Variants in GNA14 observed in about 807,000 individuals in gnomAD.
GNA14 encodes guanine nucleotide-binding protein subunit alpha-14.
Under a neutral mutation model 42.0 loss-of-function variants are expected in GNA14, and 50 were observed. That is an observed-to-expected ratio of 1.19 (90% CI 0.95 to 1.51). The LOEUF (loss-of-function observed/expected upper bound fraction) is 1.51, where lower values mean the gene tolerates loss of function less well. GNA14 is among the 40% of genes most tolerant of loss of function. The pLI is 0.00. For missense variants in GNA14, 473 were observed against 446.2 expected, an observed-to-expected ratio of 1.06 and a Z score of -0.54; for synonymous variants, 173 against 163.1, an observed-to-expected ratio of 1.06 and a Z score of -0.46.
intron 2 of GNA14, among the ~76,000 whole-genome samples, chr9:77,524,857 C>T (rs902910546): frequency 6.6e-6 from 1 of 152,136 alleles, no homozygotes; most frequent in African/African-American, 2.4e-5. Context: ...TTGTGTTTCT[C>T]GAGGGTCATT....
chr9:77,578,224 C>T (rs570858522), intron 1 of GNA14, among the ~76,000 whole-genome samples: 16 of 152,268 alleles, frequency 1.1e-4, no homozygotes, highest in South Asian at 8.3e-4. Context: ...TGTAGTGAGC[C>T]GAGATCGTGC....
intron 1 of GNA14, among the ~76,000 whole-genome samples, chr9:77,568,689 G>A (rs192478510): frequency 6.6e-6 from 1 of 152,244 alleles, no homozygotes; most frequent in African/African-American, 2.4e-5. Flanking sequence ...AGGCTGACTG[G>A]GCTTTCCTGG....
chr9:77,435,545 A>T (rs575180419), intron 2 of GNA14, among the ~76,000 whole-genome samples: 11 of 151,974 alleles, frequency 7.2e-5, no homozygotes, highest in Non-Finnish European at 1.3e-4. Flanking sequence ...ACCACTGATT[A>T]TTATATTACC....
At chr9:77,511,590 C>T (rs1837171289) in intron 2 of GNA14, among the ~76,000 whole-genome samples, 1 of 152,188 alleles carries the variant, frequency 6.6e-6, no homozygotes. Flanking sequence ...GAACAGCTTG[C>T]AGGCGAAAGG....
intron 2 of GNA14, among the ~76,000 whole-genome samples, chr9:77,515,971 A>ACAAAAAAAAAAAC (rs1837250258): frequency 6.8e-6 from 1 of 147,206 alleles, no homozygotes; most frequent in Non-Finnish European, 1.5e-5. Flanking sequence ...AAAAAAAAAA[A>ACAAAAAAAAAAAC]AAAAAAAAAA....
intron 2 of GNA14, among the ~76,000 whole-genome samples, chr9:77,488,953 A>C (rs10118963): frequency 0.51 from 77,278 of 151,824 alleles, 20,169 homozygotes; most frequent in East Asian, 0.81. Flanking sequence ...ACTGACCCTA[A>C]TGAGATGGCA....
intron 1 of GNA14, among the ~76,000 whole-genome samples, chr9:77,552,529 TTATGA>T (rs1013379001): frequency 5.3e-5 from 8 of 152,180 alleles, no homozygotes; most frequent in African/African-American, 1.7e-4. Flanking sequence ...CTCATTTTTG[TTATGA>T]TATATTATTT....
At chr9:77,577,199 C>A (rs993006791) in intron 1 of GNA14, among the ~76,000 whole-genome samples, 2 of 152,148 alleles carry the variant, frequency 1.3e-5, no homozygotes, top group South Asian at 2.1e-4. Context: ...CTCAAGAATT[C>A]ATTTTACTTA....
intron 1 of GNA14, among the ~76,000 whole-genome samples, chr9:77,622,230 G>A (rs1823937267): frequency 6.6e-6 from 1 of 152,224 alleles, no homozygotes; most frequent in African/African-American, 2.4e-5. Flanking sequence ...TGTGCACACA[G>A]TCTTTGAAAT....
At chr9:77,483,782 T>C (rs894758443) in intron 2 of GNA14, among the ~76,000 whole-genome samples, 11 of 152,134 alleles carry the variant, frequency 7.2e-5, no homozygotes, top group South Asian at 2.1e-4. Flanking sequence ...CCCAGCATAA[T>C]GAATGGGAAA....
chr9:77,423,987 G>C lies in GNA14; in HGVS notation c.1060C>G (p.Leu354Val), dbSNP rs1371117942. ...ILQLNLREFN[L>V]V ...GGAGTGGGCAGCAGCTTTTAGACAAGGTTGAATTCCCTTAGGTTTAGCTGT... is the reference window on the plus strand; with the variant it reads ...GGAGTGGGCAGCAGCTTTTAGACAACGTTGAATTCCCTTAGGTTTAGCTGT... Residue 354 changes from leucine (L) to valine (V), a missense_variant, in exon 7 of 7, where the codon CTT becomes GTT. Coordinates refer to ENST00000341700, the MANE Select transcript of GNA14 (RefSeq NM_004297.4). 1.9e-6 allele frequency: 3 copies of C among 1,585,898 alleles called. No individual in the cohort carries two copies.
intron 2 of GNA14, among the ~76,000 whole-genome samples, chr9:77,500,829 G>A (rs1392761595): frequency 6.6e-6 from 1 of 152,178 alleles, no homozygotes; most frequent in Non-Finnish European, 1.5e-5. Flanking sequence ...AGATACTCAA[G>A]GTGTTCCCAG....
chr9:77,545,056 T>C (rs538990160), intron 1 of GNA14, among the ~76,000 whole-genome samples: 2 of 152,158 alleles, frequency 1.3e-5, no homozygotes, highest in African/African-American at 4.8e-5. Flanking sequence ...AGACAAAAAT[T>C]ACTTAAAGGA....
At chr9:77,448,017 G>A (rs1174297379) in intron 2 of GNA14, among the ~76,000 whole-genome samples, 1 of 152,210 alleles carries the variant, frequency 6.6e-6, no homozygotes, top group Non-Finnish European at 1.5e-5. Flanking sequence ...TATGATGCCA[G>A]TGTATGCTTT....
At chr9:77,446,734 C>T (rs141033209) in intron 2 of GNA14, among the ~76,000 whole-genome samples, 1 of 152,292 alleles carries the variant, frequency 6.6e-6, no homozygotes, top group East Asian at 1.9e-4. Flanking sequence ...TGGATTGACA[C>T]GGATGTGACT....
intron 2 of GNA14, among the ~76,000 whole-genome samples, chr9:77,482,301 A>C (rs550268410): frequency 6.6e-5 from 10 of 152,190 alleles, no homozygotes; most frequent in African/African-American, 2.4e-4. Context: ...TTTCTCCTTC[A>C]CTTATGAAGC....
intron 1 of GNA14, among the ~76,000 whole-genome samples, chr9:77,600,215 G>A (rs1286039348): frequency 2.0e-5 from 3 of 152,212 alleles, no homozygotes; most frequent in African/African-American, 7.2e-5. Context: ...GCAGTTAAAG[G>A]AGAGAGGAAA....
chr9:77,586,459 C>T (rs994490552), intron 1 of GNA14, among the ~76,000 whole-genome samples: 1 of 152,090 alleles, frequency 6.6e-6, no homozygotes, highest in African/African-American at 2.4e-5. Context: ...TACTTCACTC[C>T]CACTAATAAA....
intron 1 of GNA14, among the ~76,000 whole-genome samples, chr9:77,599,180 T>C (rs1006938586): frequency 6.6e-6 from 1 of 152,220 alleles, no homozygotes; most frequent in East Asian, 1.9e-4. Flanking sequence ...ATGAGATTGT[T>C]ACCAGATGTA....
Sources: allele counts gnomAD v4.1 joint callset (sites outside exome capture counted in the v4.1 genomes callset), GRCh38; gene constraint gnomAD v4.1.1; transcripts MANE v1.5; gene names NCBI Gene and HGNC (gene_info 2026-07-23, HGNC 2026-07-21).